BBS9: variants seen among roughly 807,000 people sequenced by gnomAD.
BBS9 encodes the protein protein PTHB1.
BBS9 carries 89 observed loss-of-function variants against 117.7 expected under a neutral mutation model. That is an observed-to-expected ratio of 0.76 (90% CI 0.64 to 0.90). BBS9 has a LOEUF of 0.90. Among genes scored for constraint, BBS9 ranks in the 40% least tolerant of loss-of-function variants. The pLI is 0.00. For missense variants in BBS9, 982 were observed against 1,042.2 expected (o/e 0.94, Z 0.80); for synonymous variants, 379 against 370.9 (o/e 1.02, Z -0.25).
intron 21 of BBS9, among the ~76,000 whole-genome samples, chr7:33,570,628 T>G (rs1023026923): frequency 1.3e-5 from 2 of 152,182 alleles, no homozygotes; most frequent in African/African-American, 4.8e-5. Context: ...TCAAATATAT[T>G]TATTAATTTT....
chr7:33,353,353 G>A (rs11763712), intron 15 of BBS9, among the ~76,000 whole-genome samples: 23,621 of 152,146 alleles, frequency 0.16, 2,287 homozygotes, highest in South Asian at 0.21. Flanking sequence ...AGAATTTGTA[G>A]GGGAATGTTA....
chr7:33,457,291 G>A (rs1199950520), intron 19 of BBS9, among the ~76,000 whole-genome samples: 7 of 152,132 alleles, frequency 4.6e-5, no homozygotes, highest in Non-Finnish European at 1.5e-5. Context: ...CAAGAACAAC[G>A]TCAAGAATGA....
At chr7:33,393,832 A>G (rs1827488542) in intron 19 of BBS9, among the ~76,000 whole-genome samples, 2 of 152,040 alleles carry the variant, frequency 1.3e-5, no homozygotes, top group Admixed American at 6.6e-5. Flanking sequence ...CTCTTATTAT[A>G]TTTCTAACAG....
chr7:33,461,706 T>G (rs1454461205), intron 19 of BBS9, among the ~76,000 whole-genome samples: 1 of 152,130 alleles, frequency 6.6e-6, no homozygotes, highest in East Asian at 1.9e-4. Context: ...AACACTTTAT[T>G]TATGGAGTTA....
chr7:33,374,471 A>G (rs924366095), intron 17 of BBS9, among the ~76,000 whole-genome samples: 5 of 152,204 alleles, frequency 3.3e-5, no homozygotes, highest in Non-Finnish European at 5.9e-5. Context: ...TATTTATTTT[A>G]AAATTTCTTA....
At chr7:33,252,413 G>A (rs1796356127) in intron 5 of BBS9, among the ~76,000 whole-genome samples, 1 of 152,176 alleles carries the variant, frequency 6.6e-6, no homozygotes, top group Non-Finnish European at 1.5e-5. Flanking sequence ...TGCTAAGGTA[G>A]TGGTTCTGAA....
chr7:33,599,126 G>A (rs1863398142), intron 21 of BBS9, among the ~76,000 whole-genome samples: 1 of 152,180 alleles, frequency 6.6e-6, no homozygotes, highest in African/African-American at 2.4e-5. Flanking sequence ...AGTAGGTTTT[G>A]AGGCAAGCTA....
At chr7:33,616,275 C>T (rs777202963) in intron 21 of BBS9, among the ~76,000 whole-genome samples, 4 of 150,342 alleles carry the variant, frequency 2.7e-5, no homozygotes, top group Non-Finnish European at 4.4e-5. Context: ...TATACATACA[C>T]GTAGTGAAAT....
chr7:33,345,138 T>C (rs1459180201), intron 12 of BBS9, among the ~76,000 whole-genome samples: 1 of 152,142 alleles, frequency 6.6e-6, no homozygotes, highest in African/African-American at 2.4e-5. Context: ...AGCAAGAAAA[T>C]ATTGAATGAA....
At chr7:33,231,428 CTTTT>C (rs35407590) in intron 5 of BBS9, among the ~76,000 whole-genome samples, 4 of 106,372 alleles carry the variant, frequency 3.8e-5, no homozygotes, top group Non-Finnish European at 5.8e-5. Context: ...GCCTATGTGT[CTTTT>C]TTTTTTTTTT....
At chr7:33,509,791 A>G (rs1444791877) in intron 20 of BBS9, among the ~76,000 whole-genome samples, 1 of 152,222 alleles carries the variant, frequency 6.6e-6, no homozygotes, top group African/African-American at 2.4e-5. Flanking sequence ...TCAGGTTCAC[A>G]ATGCAAAAAT....
intron 9 of BBS9, among the ~76,000 whole-genome samples, chr7:33,277,309 C>T (rs937457740): frequency 1.1e-4 from 16 of 152,142 alleles, no homozygotes; most frequent in African/African-American, 3.9e-4. Context: ...CTGTTTTTGT[C>T]ATTCCCTAAG....
intron 12 of BBS9, chr7:33,346,356 ATTCCAG>A (rs1817592210): frequency 4.8e-6 from 2 of 420,018 alleles, no homozygotes; most frequent in African/African-American, 4.2e-5. Flanking sequence ...GTGACCATCT[ATTCCAG>A]GCAACTAGGC....
At chr7:33,180,215 C>G (rs1031943049) in intron 5 of BBS9, among the ~76,000 whole-genome samples, 3 of 152,120 alleles carry the variant, frequency 2.0e-5, no homozygotes, top group Admixed American at 1.3e-4. Flanking sequence ...GTGGTCCAAC[C>G]CTAGCCAATA....
rs147650223 is a variant in BBS9 at position 33,376,446 on chromosome 7, A to G, written c.1790-7220A>G. ...ATTTCCATTATCTAGTCTATTGTCA[A>G]TGGACATTTAGGTTGATTCTTTGTC... On this transcript the variant is annotated intron_variant, in intron 17 of 22. Coordinates refer to ENST00000242067, the MANE Select transcript of BBS9 (RefSeq NM_198428.3). Among the ~76,000 whole-genome samples, 157 of 152,262 alleles carry G rather than the reference A, an allele frequency of 1.0e-3. 2 individuals are homozygous for G. In the East Asian group the frequency reaches 0.02, roughly 19 times the overall value.
In BBS9 at chr7:33,304,103, G is replaced by A. The variant is rs184226415; in HGVS notation, c.1016+30147G>A. On this transcript the variant is annotated intron_variant, in intron 9 of 22. Transcript: ENST00000242067. ...CTGCCCATCATCTGGGATGTGAGGA[G>A]TGCCTCTGCCTGGCCACCCCGTCTG... Among the ~76,000 whole-genome samples, 1,250 of 147,594 alleles carry A rather than the reference G, an allele frequency of 8.5e-3. 12 individuals carry two copies. The highest frequency in any genetic ancestry group is 0.041 in the South Asian group (190 of 4,594).
chr7:33,359,447 T>C (rs991090181), intron 16 of BBS9, among the ~76,000 whole-genome samples: 1 of 152,034 alleles, frequency 6.6e-6, no homozygotes, highest in East Asian at 1.9e-4. Context: ...GATTTTGGGC[T>C]CAATTGTTTT....
At chr7:33,486,961 G>A (rs1280915315) in intron 19 of BBS9, among the ~76,000 whole-genome samples, 1 of 152,220 alleles carries the variant, frequency 6.6e-6, no homozygotes, top group Non-Finnish European at 1.5e-5. Flanking sequence ...GTTGGGTAGT[G>A]TCTTACCCCA....
chr7:33,248,669 A>G (rs1795750026), intron 5 of BBS9, among the ~76,000 whole-genome samples: 1 of 152,140 alleles, frequency 6.6e-6, no homozygotes, highest in African/African-American at 2.4e-5. Flanking sequence ...ATGTTGTATC[A>G]TTTTTGAGGT....
Sources: allele counts gnomAD v4.1 joint callset (sites outside exome capture counted in the v4.1 genomes callset), GRCh38; gene constraint gnomAD v4.1.1; transcripts MANE v1.5; gene names NCBI Gene and HGNC (gene_info 2026-07-23, HGNC 2026-07-21).